Variants in MROH2A observed in about 807,000 individuals in gnomAD.
The protein encoded by MROH2A is maestro heat-like repeat-containing protein family member 2A.
A neutral mutation model predicts 200.4 loss-of-function variants in MROH2A; 174 were observed. That is an observed-to-expected ratio of 0.87 (90% CI 0.77 to 0.98). The LOEUF (loss-of-function observed/expected upper bound fraction) is 0.98, where lower values mean the gene tolerates loss of function less well. MROH2A is among the 50% of genes least tolerant of loss of function. The pLI, the probability that MROH2A is intolerant of heterozygous loss-of-function variation, is 0.00. For missense variants in MROH2A, 2,045 were observed against 2,139.6 expected (o/e 0.96, Z 0.87); for synonymous variants, 829 against 840.4 (o/e 0.99, Z 0.23).
Position 233,790,646 on chromosome 2 carries a change from TC to T in MROH2A, c.571+636del, listed in dbSNP as rs1559442220. Among the ~76,000 whole-genome samples, 14 of 2,516 alleles carry T rather than the reference TC, an allele frequency of 5.6e-3. 5 individuals are homozygous for T. Among genetic ancestry groups the T allele is most frequent in the Non-Finnish European group, 6.6e-3 (10 of 1,508 alleles). 1.7% of individuals were successfully genotyped at this position (2,516 alleles called of 152,430 possible). A position where few individuals can be genotyped will look rare whatever the true frequency, so the allele number is the denominator to read the frequency against. On this transcript the variant is annotated intron_variant, in intron 5 of 41. Transcript: ENST00000389758. ...TCCCCTCCCCTCCCCTCCCCTCCCC[TC>T]CCCTCCCCTCCCCTCCCTCCCTCCC...
At position 233,813,717 on chromosome 2, in the gene MROH2A, A is replaced by T; in HGVS notation, c.2699A>T (p.Asp900Val). The T allele has an allele frequency of 6.5e-7, 1 of 1,550,298 alleles. No individual in the cohort carries two copies. The highest frequency in any genetic ancestry group is 8.7e-7 in the Non-Finnish European group (1 of 1,146,726). ...YSTEENSELM[D>V]ISIHSVISLQ... ...ACAGAGGAAAACAGTGAGCTGATGG[A>T]TATCAGCATACATTCTGTAATTTCT... Residue 900 changes from aspartate (D) to valine (V), a missense_variant, in exon 25 of 42, where the codon GAT becomes GTT. By Grantham distance (152) the Asp-to-Val change is radical (BLOSUM62 -3). Coordinates refer to ENST00000389758, the MANE Select transcript of MROH2A (RefSeq NM_001394639.1).
At chr2:233,822,657 C>T in intron 33 of MROH2A, 101 bp downstream of exon 33, 1 of 1,287,452 alleles carries the variant, frequency 7.8e-7, no homozygotes, top group South Asian at 1.4e-5. Flanking sequence ...GGCCCTCTGT[C>T]TCCTCCTGGT....
chr2:233,829,340 C>A (rs1704556365), intron 37 of MROH2A, among the ~76,000 whole-genome samples: 1 of 152,126 alleles, frequency 6.6e-6, no homozygotes, highest in South Asian at 2.1e-4. Flanking sequence ...GCTACAAATA[C>A]CCCCAGGGCA....
chr2:233,777,545 G>A (rs577485855), upstream of MROH2A, among the ~76,000 whole-genome samples: 1 of 152,236 alleles, frequency 6.6e-6, no homozygotes, highest in Non-Finnish European at 1.5e-5. Flanking sequence ...TGTTGGGCAT[G>A]ATAAGAAAGC....
At chr2:233,779,615 G>A (rs2126076356) in intron 2 of MROH2A, 56 bp from the exon 3 acceptor site, 7 of 1,522,306 alleles carry the variant, frequency 4.6e-6, no homozygotes, top group South Asian at 2.5e-5. Context: ...GGACACAAGG[G>A]CACCTCCTGT....
chr2:233,816,643 T>A, intron 26 of MROH2A, 138 bp from the exon 27 acceptor site: 1 of 562,596 alleles, frequency 1.8e-6, no homozygotes, highest in South Asian at 2.5e-5. Context: ...TCTCCCTTCA[T>A]GATGGGGCCT....
At position 233,814,691 on chromosome 2, in the gene MROH2A, T is replaced by A; in HGVS notation, c.2856+14T>A. On this transcript the variant is annotated intron_variant, in intron 26 of 41. Coordinates refer to ENST00000389758, the MANE Select transcript of MROH2A (RefSeq NM_001394639.1). ...GAGATGGTGCAGGTGAGTTGCCTGG[T>A]GGCGGGCCAGAGCCAGGGATGGCCA... 1 of 1,544,308 alleles carries A rather than the reference T, an allele frequency of 6.5e-7. No individual in the cohort carries two copies. The highest frequency in any genetic ancestry group is 8.8e-7 in the Non-Finnish European group (1 of 1,142,178).
At chr2:233,787,957 C>CATATATATTATACATACAT (rs1234238792) in intron 3 of MROH2A, among the ~76,000 whole-genome samples, 2 of 11,200 alleles carry the variant, frequency 1.8e-4, no homozygotes, top group South Asian at 2.2e-3. Flanking sequence ...ATTATATATA[C>CATATATATTATACATACAT]ATATATTATA....
chr2:233,795,997 T>C lies in MROH2A; in HGVS notation c.1090T>C (p.Tyr364His), dbSNP rs1575935261. The change falls in exon 10 of 42, where the codon TAC (tyrosine) becomes CAC (histidine). Residue 364 changes from tyrosine (Y) to histidine (H), a missense_variant. Tyr to His is a moderately conservative substitution (Grantham distance 83). This residue lies in a region of MROH2A where 831 missense variants were observed against 800.0 expected (regional missense o/e 1.04). Transcript: ENST00000389758. ...CAACAAGGCCCCGGCCCAGCATCAG[T>C]ACAGCAGCCAGAATCTGATGGAGAT... Reference protein sequence around the residue: ...VCNKAPAQHQYSSQNLMEMVH... With the variant: ...VCNKAPAQHQHSSQNLMEMVH... The C allele has an allele frequency of 2.6e-6, 4 of 1,550,476 alleles. No individual in the cohort carries two copies.
intron 10 of MROH2A, 66 bp downstream of exon 10, chr2:233,796,111 G>A (rs375350904): frequency 1.1e-4 from 164 of 1,517,934 alleles, no homozygotes; most frequent in Middle Eastern, 6.8e-4. Flanking sequence ...TAGGAGTCCC[G>A]GCCCCTCTGA....
In MROH2A at chr2:233,807,190, CTGAT is replaced by C. The variant is rs1702853303; in HGVS notation, c.2053-232_2053-229del. Among the ~76,000 whole-genome samples the C allele has an allele frequency of 6.6e-6, 1 of 151,850 alleles. No individual in the cohort carries two copies. The highest frequency in any genetic ancestry group is 1.9e-4 in the East Asian group (1 of 5,178). The stretch of plus-strand genomic sequence containing the variant: ...ATGAACTGATATATGTATATATAAA[CTGAT>C]ATATGTATGTATGTATATATCAGTT... On this transcript the variant is annotated intron_variant, in intron 19 of 41. Transcript: ENST00000389758. The surrounding 1 kb of genome is among the most constrained non-coding windows in gnomAD (Gnocchi z 4.3).
intron 26 of MROH2A, 92 bp from the exon 27 acceptor site, chr2:233,816,689 G>C: frequency 1.3e-6 from 1 of 757,742 alleles, no homozygotes; most frequent in Middle Eastern, 3.3e-4. Flanking sequence ...AAGTCGATCT[G>C]AGTAGGAGGG....
intron 22 of MROH2A, among the ~76,000 whole-genome samples, chr2:233,809,954 G>A (rs1439092599): frequency 6.6e-6 from 1 of 152,106 alleles, no homozygotes; most frequent in Non-Finnish European, 1.5e-5. Context: ...CTTCCTGTCT[G>A]TGTGGCTTTG....
rs1332275134 is a variant in MROH2A, at chr2:233,787,526, TACATATATC to T, written c.277-1969_277-1961del. Among the ~76,000 whole-genome samples the T allele has an allele frequency of 2.3e-3, 270 of 119,650 alleles. 1 individual carries two copies. The highest frequency in any genetic ancestry group is 9.1e-3 in the African/African-American group (262 of 28,868). 78.5% of individuals were successfully genotyped at this position (119,650 alleles called of 152,430 possible). Reference sequence around the variant, plus strand: ...ATATATATTATATATACATATATATTACATATATCATATATACATATATATTATATATAC... The same window carrying T: ...ATATATATTATATATACATATATATTATATATACATATATATTATATATAC... On this transcript the variant is annotated intron_variant, in intron 3 of 41. Coordinates refer to ENST00000389758, the MANE Select transcript of MROH2A (RefSeq NM_001394639.1).
chr2:233,790,306 TCCTC>T (rs1559440945), intron 5 of MROH2A, among the ~76,000 whole-genome samples: 1 of 125,582 alleles, frequency 8.0e-6, no homozygotes, highest in African/African-American at 3.2e-5. Context: ...CTTCCTTCCT[TCCTC>T]TTTCGTTTCC....
chr2:233,787,586 CATATATATATTATATATT>C lies in MROH2A; in HGVS notation c.277-1902_277-1885del, dbSNP rs1442432513. ...ATATATATTATATATATCATATATA[CATATATATATTATATATT>C]ATATATATCATATATACATATATAT... On this transcript the variant is annotated intron_variant, in intron 3 of 41. Coordinates refer to ENST00000389758, the MANE Select transcript of MROH2A (RefSeq NM_001394639.1). 6.7e-3 allele frequency among the ~76,000 whole-genome samples: 92 copies of C among 13,824 alleles called. 1 individual carries two copies. The highest frequency in any genetic ancestry group is 0.024 in the East Asian group (3 of 124). The allele number at this position is 13,824 out of a possible 152,430, so 9.1% of individuals were successfully genotyped here.
intron 14 of MROH2A, among the ~76,000 whole-genome samples, chr2:233,801,211 A>G (rs537731166): frequency 6.7e-6 from 1 of 148,926 alleles, no homozygotes; most frequent in South Asian, 2.2e-4. Flanking sequence ...TGCTGTCTTT[A>G]TGGGGAAGCC....
intron 5 of MROH2A, among the ~76,000 whole-genome samples, chr2:233,790,537 C>T (rs796789454): frequency 1.8e-4 from 8 of 43,714 alleles, no homozygotes; most frequent in African/African-American, 3.3e-4. Flanking sequence ...TACTCTTTCC[C>T]CTCCCTCCCC....
In MROH2A at chr2:233,807,034, C is replaced by A. The variant is rs916815965; in HGVS notation, c.2053-389C>A. ...CTTAGCTCCCACTTATGAGTGAGAACATACGACGTTTGGTTTTCCATTCCT... is the reference window on the plus strand; with the variant it reads ...CTTAGCTCCCACTTATGAGTGAGAAAATACGACGTTTGGTTTTCCATTCCT... On this transcript the variant is annotated intron_variant, in intron 19 of 41. Transcript: ENST00000389758. The surrounding 1 kb of genome is among the most constrained non-coding windows in gnomAD (Gnocchi z 4.3). 6.6e-6 allele frequency among the ~76,000 whole-genome samples: 1 copy of A among 152,086 alleles called. No homozygotes were observed. Among genetic ancestry groups the A allele is most frequent in the Admixed American group, 6.6e-5 (1 of 15,256 alleles).
Sources: allele counts gnomAD v4.1 joint callset (sites outside exome capture counted in the v4.1 genomes callset), GRCh38; gene constraint gnomAD v4.1.1; regional missense constraint gnomAD v4.1.1; non-coding constraint Gnocchi (gnomAD v3.1); transcripts MANE v1.5; gene names NCBI Gene and HGNC (gene_info 2026-07-23, HGNC 2026-07-21).